The following PCGF3 variants were observed in gnomAD, a reference collection of about 807,000 sequenced individuals.
PCGF3 encodes the protein polycomb group ring finger 3.
Under a neutral mutation model 33.1 loss-of-function variants are expected in PCGF3, and 7 were observed. The observed-to-expected ratio is 0.21, with a 90% CI of 0.12 to 0.40. The LOEUF (loss-of-function observed/expected upper bound fraction) is 0.40. Ranked by LOEUF, PCGF3 falls within the 10% of genes least tolerant of loss-of-function variation. The pLI is 1.00. For missense variants in PCGF3, 211 were observed against 313.3 expected (o/e 0.67, Z 2.46); for synonymous variants, 153 against 121.3 (o/e 1.26, Z -1.72).
rs901698362 is a variant in PCGF3 at position 761,141 on chromosome 4, T to G, written c.463-138T>G. On this transcript the variant is annotated intron_variant, in intron 8 of 10. Coordinates refer to ENST00000362003, the Ensembl canonical transcript of PCGF3. ...ATGTAAGATTCTTTTTCTGCAGTGT[T>G]GAAGTCAAAGCAGATGTCTGATCTC... 5.4e-6 allele frequency: 3 copies of G among 550,514 alleles called. No homozygotes were observed. In the African/African-American group the frequency reaches 5.8e-5, roughly 11 times the overall value. 34.1% of individuals were successfully genotyped at this position (550,514 alleles called of 1,614,324 possible).
intron 1 of PCGF3, among the ~76,000 whole-genome samples, chr4:718,903 T>G (rs1364667200): frequency 6.6e-6 from 1 of 152,252 alleles, no homozygotes; most frequent in East Asian, 1.9e-4. Context: ...AGAATTAAAT[T>G]CAAAGCGCTG....
intron 1 of PCGF3, among the ~76,000 whole-genome samples, chr4:723,251 C>T (rs892419722): frequency 2.0e-4 from 30 of 152,348 alleles, no homozygotes; most frequent in African/African-American, 4.3e-4. Flanking sequence ...GGCTCCTAGC[C>T]GCTGCAGTTG....
At chr4:752,559 G>GCACC (rs1428266355) in intron 8 of PCGF3, among the ~76,000 whole-genome samples, 1 of 152,210 alleles carries the variant, frequency 6.6e-6, no homozygotes, top group Non-Finnish European at 1.5e-5. Context: ...GGGCGGGCAA[G>GCACC]GGTGGGGTTT....
intron 8 of PCGF3, among the ~76,000 whole-genome samples, chr4:750,702 G>T (rs1744472753): frequency 1.3e-5 from 2 of 152,194 alleles, no homozygotes; most frequent in African/African-American, 2.4e-5. Context: ...TCCAAGTCCG[G>T]TCGTTTTTCT....
chr4:716,132 A>G (rs28703956), intron 1 of PCGF3, among the ~76,000 whole-genome samples: 10,400 of 59,684 alleles, frequency 0.17, 1,583 homozygotes, highest in East Asian at 0.26. Flanking sequence ...ACTGGGTGTC[A>G]GTGCTGGGAC....
intron 9 of PCGF3, chr4:764,692 T>A (rs1745263429): frequency 3.0e-6 from 1 of 328,296 alleles, no homozygotes; most frequent in Admixed American, 4.5e-5. Flanking sequence ...AGCTTGTGCC[T>A]GCGCCTGCAC....
chr4:760,052 C>T lies in PCGF3; in HGVS notation c.463-1227C>T, dbSNP rs73222806. ...TTGCAGGCGGCCTCGCTCCATCCCA[C>T]CCCGGAGCAAGGATGTCTCTTGCTT... On this transcript the variant is annotated intron_variant, in intron 8 of 10. Transcript: ENST00000362003. 1.4e-5 allele frequency among the ~76,000 whole-genome samples: 2 copies of T among 143,642 alleles called. 1 individual carries two copies. The highest frequency in any genetic ancestry group is 4.9e-5 in the African/African-American group (2 of 40,972). The allele number at this position is 143,642 out of a possible 152,430, so 94.2% of individuals were successfully genotyped here.
chr4:754,590 C>T (rs553381641), intron 8 of PCGF3, among the ~76,000 whole-genome samples: 12 of 152,278 alleles, frequency 7.9e-5, no homozygotes, highest in East Asian at 1.9e-4. Context: ...CCCCACGTGC[C>T]GTGGGTGGTG....
At chr4:737,386 T>C in intron 5 of PCGF3, 80 bp from the exon 6 acceptor site, 1 of 944,014 alleles carries the variant, frequency 1.1e-6, no homozygotes, top group Non-Finnish European at 1.7e-6. Flanking sequence ...TTCTGAACTT[T>C]GATATTGTTA....
chr4:741,610 T>C (rs1744094440), intron 6 of PCGF3, among the ~76,000 whole-genome samples: 1 of 152,232 alleles, frequency 6.6e-6, no homozygotes, highest in South Asian at 2.1e-4. Flanking sequence ...GGTTTCACCA[T>C]GTTGGCCAGG....
At chr4:740,655 C>T (rs1218728802) in intron 6 of PCGF3, among the ~76,000 whole-genome samples, 8 of 151,708 alleles carry the variant, frequency 5.3e-5, no homozygotes, top group Admixed American at 4.6e-4. Flanking sequence ...TGTGGGAGGC[C>T]GAGGCAGGAG....
rs1743042029 is a variant in PCGF3, at chr4:720,709, GGCGTGGACGGGCGGTGACGT to G, written c.-189-9915_-189-9896del. The stretch of plus-strand genomic sequence containing the variant: ...CGGGCGGTGACGTGCGTGTGGACCC[GGCGTGGACGGGCGGTGACGT>G]GCGTGTGGACCCGGCGTGGACGCAG... On this transcript the variant is annotated intron_variant, in intron 1 of 10. Transcript: ENST00000362003. This position sits in a 1 kb window ranked among gnomAD's most constrained non-coding sequence, Gnocchi z 5.6. 6.7e-6 allele frequency among the ~76,000 whole-genome samples: 1 copy of G among 149,768 alleles called. No homozygotes were observed. Among genetic ancestry groups the G allele is most frequent in the Non-Finnish European group, 1.5e-5 (1 of 67,404 alleles).
At chr4:762,335 G>C in intron 9 of PCGF3, 1 of 166,676 alleles carries the variant, frequency 6.0e-6, no homozygotes, top group Non-Finnish European at 1.2e-5. Flanking sequence ...GGAGGCTGGA[G>C]GGAGGCAGCC....
At chr4:729,761 C>G (rs957527578) in intron 1 of PCGF3, among the ~76,000 whole-genome samples, 9 of 152,156 alleles carry the variant, frequency 5.9e-5, no homozygotes, top group African/African-American at 1.9e-4. Flanking sequence ...TTATGGGAAA[C>G]CGGAAGAGTA....
intron 8 of PCGF3, among the ~76,000 whole-genome samples, chr4:752,931 C>CA (rs1159983732): frequency 6.6e-6 from 1 of 152,276 alleles, no homozygotes; most frequent in Non-Finnish European, 1.5e-5. Flanking sequence ...CTCTTCTGAA[C>CA]ACGTCCCTGA....
At chr4:727,859 G>T (rs1343354892) in intron 1 of PCGF3, among the ~76,000 whole-genome samples, 1 of 152,144 alleles carries the variant, frequency 6.6e-6, no homozygotes, top group African/African-American at 2.4e-5. Flanking sequence ...GTGTGAGTTG[G>T]AAAAAGGCTC....
At chr4:734,075 G>A (rs570108270) in intron 4 of PCGF3, 12 of 1,550,730 alleles carry the variant, frequency 7.7e-6, no homozygotes, top group South Asian at 3.6e-5. Flanking sequence ...CGCTGTGACA[G>A]TGCTCACTGC....
At chr4:733,585 C>T (rs1577413970) in intron 3 of PCGF3, 87 bp from the exon 4 acceptor site, 19 of 1,398,722 alleles carry the variant, frequency 1.4e-5, no homozygotes, top group Admixed American at 2.1e-5. Flanking sequence ...CTGCACTGTC[C>T]TCCCTGGGGG....
intron 8 of PCGF3, among the ~76,000 whole-genome samples, chr4:753,459 C>T (rs1176002146): frequency 6.6e-6 from 1 of 151,682 alleles, no homozygotes; most frequent in Admixed American, 6.6e-5. Context: ...TCAAGACCAT[C>T]CTGGCTAGCA....
Sources: gnomAD v4.1 joint callset for allele counts (sites outside exome capture counted in the v4.1 genomes callset) on GRCh38, gnomAD v4.1.1 for gene constraint, Gnocchi (gnomAD v3.1) non-coding constraint, MANE v1.5 for transcripts, NCBI Gene and HGNC (gene_info 2026-07-23, HGNC 2026-07-21) for gene names.